Variants in RELN observed in about 807,000 individuals in gnomAD.
RELN encodes reelin.
A neutral mutation model predicts 427.6 loss-of-function variants in RELN; 108 were observed. The ratio of observed to expected loss-of-function variants is 0.25; its 90% CI spans 0.22 to 0.30. RELN has a LOEUF of 0.30. Among genes scored for constraint, RELN ranks in the 10% least tolerant of loss-of-function variants. The pLI, the probability that RELN is intolerant of heterozygous loss-of-function variation, is 1.00. For missense variants in RELN, 3,715 were observed against 4,302.8 expected, an observed-to-expected ratio of 0.86 and a Z score of 3.82; for synonymous variants, 1,524 against 1,513.4, an observed-to-expected ratio of 1.01 and a Z score of -0.16.
intron 2 of RELN, among the ~76,000 whole-genome samples, chr7:103,876,195 G>A (rs13241764): frequency 0.14 from 21,844 of 152,042 alleles, 1,887 homozygotes; most frequent in East Asian, 0.34. Context: ...GAAAAGAAAG[G>A]CATTTTATTA....
chr7:103,542,762 T>C lies in RELN; in HGVS notation c.6640A>G (p.Met2214Val). Residue 2214 changes from methionine (M) to valine (V), a missense_variant, in exon 43 of 65, where the codon ATG becomes GTG. Transcript: ENST00000428762. ...TGTGATAAATCCAGGTCTCGTGTCA[T>C]CAACATGCGCAAGCCATCTTCATTG... Reference protein sequence around the residue: ...FFNEDGLRMLMTRDLDLSHAR... With the variant: ...FFNEDGLRMLVTRDLDLSHAR... 1 of 1,614,154 alleles carries C rather than the reference T, an allele frequency of 6.2e-7. No homozygotes were observed. The highest frequency in any genetic ancestry group is 2.2e-5 in the East Asian group (1 of 44,860).
At chr7:103,577,984 C>G (rs1220695471) in intron 28 of RELN, among the ~76,000 whole-genome samples, 1 of 152,120 alleles carries the variant, frequency 6.6e-6, no homozygotes, top group African/African-American at 2.4e-5. Flanking sequence ...CCATCAGCTG[C>G]CCCATTTCAT....
chr7:103,620,028 C>A lies in RELN; in HGVS notation c.2703-8225G>T, dbSNP rs938148711. On this transcript the variant is annotated intron_variant, in intron 20 of 64. Coordinates refer to ENST00000428762, the MANE Select transcript of RELN (RefSeq NM_005045.4). The surrounding 1 kb of genome is among the most constrained non-coding windows in gnomAD (Gnocchi z 4.1). ...TTTGATAAGGTTTTGCTGTGCCCCA[C>A]CCAAATCTCATCTTGCATTGTGGTG... 3.3e-5 allele frequency among the ~76,000 whole-genome samples: 5 copies of A among 152,120 alleles called. No homozygotes were observed. Among genetic ancestry groups the A allele is most frequent in the Non-Finnish European group, 5.9e-5 (4 of 68,018 alleles).
At chr7:103,662,465 C>CA (rs1833164487) in intron 11 of RELN, among the ~76,000 whole-genome samples, 1 of 151,508 alleles carries the variant, frequency 6.6e-6, no homozygotes, top group Admixed American at 6.6e-5. Flanking sequence ...ACTAAAAATA[C>CA]AAAAAAATTA....
chr7:103,644,041 C>A (rs975355470), intron 16 of RELN, among the ~76,000 whole-genome samples: 1 of 151,852 alleles, frequency 6.6e-6, no homozygotes, highest in African/African-American at 2.4e-5. Flanking sequence ...GTCTTTGCCA[C>A]TGAATGCTCA....
At chr7:103,854,551 G>T (rs1327572315) in intron 2 of RELN, among the ~76,000 whole-genome samples, 1 of 152,268 alleles carries the variant, frequency 6.6e-6, no homozygotes, top group East Asian at 1.9e-4. Context: ...GGTCAGGGAT[G>T]AATTAAGGGA....
At chr7:103,714,183 CATTTT>C (rs1326221215) in intron 8 of RELN, among the ~76,000 whole-genome samples, 3 of 152,112 alleles carry the variant, frequency 2.0e-5, no homozygotes, top group East Asian at 1.9e-4. Context: ...TGTATCTGAG[CATTTT>C]ATTTAATAAC....
chr7:103,758,455 G>C (rs1481324099), intron 4 of RELN, among the ~76,000 whole-genome samples: 1 of 151,692 alleles, frequency 6.6e-6, no homozygotes, highest in Non-Finnish European at 1.5e-5. Context: ...AAATCACCAG[G>C]GTTTTTAAAA....
At chr7:103,557,651 A>T (rs1245142031) in intron 37 of RELN, among the ~76,000 whole-genome samples, 1 of 152,228 alleles carries the variant, frequency 6.6e-6, no homozygotes, top group African/African-American at 2.4e-5. Flanking sequence ...CATAAGTTAA[A>T]CATTTTAAAA....
At chr7:103,756,164 T>C (rs6964943) in intron 4 of RELN, among the ~76,000 whole-genome samples, 11,088 of 152,276 alleles carry the variant, frequency 0.073, 459 homozygotes, top group South Asian at 0.15. Flanking sequence ...TGCTTTACTT[T>C]AAATTGTTTA....
chr7:103,614,818 G>T (rs574144787), intron 20 of RELN, among the ~76,000 whole-genome samples: 1 of 152,246 alleles, frequency 6.6e-6, no homozygotes, highest in South Asian at 2.1e-4. Flanking sequence ...TTAATCTGAA[G>T]CAAAATAACA....
In RELN at chr7:103,891,041, C is replaced by A. The variant is rs77758878; in HGVS notation, c.337+26034G>T. 2.7e-4 allele frequency among the ~76,000 whole-genome samples: 41 copies of A among 152,174 alleles called. No individual in the cohort carries two copies. In the East Asian group the frequency reaches 7.5e-3, roughly 28 times the overall value. ...AGGTTGCAGTGAGCAGAGATCACAC[C>A]ATTGCACTCCAGCCTGAACAACAGA... On this transcript the variant is annotated intron_variant, in intron 2 of 64. Transcript: ENST00000428762.
intron 3 of RELN, among the ~76,000 whole-genome samples, chr7:103,795,592 C>CT (rs774756079): frequency 8.5e-5 from 13 of 152,142 alleles, no homozygotes; most frequent in Non-Finnish European, 1.6e-4. Flanking sequence ...TTATTTTTCC[C>CT]TTTGCTGGGA....
At chr7:103,537,928 T>C (rs1419471573) in intron 45 of RELN, among the ~76,000 whole-genome samples, 2 of 152,220 alleles carry the variant, frequency 1.3e-5, no homozygotes, top group Admixed American at 6.5e-5. Context: ...GGCCAACCAT[T>C]GGTCATCTCT....
chr7:103,941,467 C>G (rs1053718751), intron 1 of RELN, among the ~76,000 whole-genome samples: 2 of 152,112 alleles, frequency 1.3e-5, no homozygotes, highest in Non-Finnish European at 2.9e-5. Context: ...TAATTGATTT[C>G]TTATTTGGAA....
chr7:103,799,787 C>CT (rs1175543477), intron 3 of RELN, among the ~76,000 whole-genome samples: 4 of 152,156 alleles, frequency 2.6e-5, no homozygotes, highest in African/African-American at 9.7e-5. Context: ...GCCCTGGAAT[C>CT]TGAGTCTGAA....
At chr7:103,839,302 G>GTTTTTTTTTTTTTTTT (rs1793492405) in intron 2 of RELN, among the ~76,000 whole-genome samples, 8 of 75,032 alleles carry the variant, frequency 1.1e-4, no homozygotes, top group African/African-American at 3.5e-4. Flanking sequence ...AGTGGTCTTT[G>GTTTTTTTTTTTTTTTT]CTTTTTTTTT....
At chr7:103,679,244 C>T (rs772425884) in intron 11 of RELN, among the ~76,000 whole-genome samples, 25 of 152,286 alleles carry the variant, frequency 1.6e-4, no homozygotes, top group Non-Finnish European at 3.1e-4. Flanking sequence ...TAGGTCTTCT[C>T]ATTATCCTTT....
intron 3 of RELN, among the ~76,000 whole-genome samples, chr7:103,799,882 T>C (rs1189159909): frequency 1.3e-5 from 2 of 152,078 alleles, no homozygotes; most frequent in African/African-American, 4.8e-5. Context: ...ACCCACCTCA[T>C]AGGGTAATGG....
Sources: gnomAD v4.1 joint callset for allele counts (sites outside exome capture counted in the v4.1 genomes callset) on GRCh38, gnomAD v4.1.1 for gene constraint, Gnocchi (gnomAD v3.1) non-coding constraint, MANE v1.5 for transcripts, NCBI Gene and HGNC (gene_info 2026-07-23, HGNC 2026-07-21) for gene names.